Variants in ZZEF1 observed in about 807,000 individuals in gnomAD.
ZZEF1 encodes zinc finger ZZ-type and EF-hand domain containing 1, also known as zinc finger ZZ-type and EF-hand domain-containing protein 1.
Under a neutral mutation model 342.8 loss-of-function variants are expected in ZZEF1, and 157 were observed. That is an observed-to-expected ratio of 0.46 (90% CI 0.40 to 0.52). The LOEUF (loss-of-function observed/expected upper bound fraction) is 0.52, where lower values mean the gene tolerates loss of function less well. ZZEF1 is among the 20% of genes least tolerant of loss of function. The probability of loss-of-function intolerance (pLI) is 0.00; values close to 1 mark genes in which losing one functional copy is unlikely to be tolerated. For missense variants in ZZEF1, 3,480 were observed against 3,725.6 expected, an observed-to-expected ratio of 0.93 and a Z score of 1.72; for synonymous variants, 1,505 against 1,429.1, an observed-to-expected ratio of 1.05 and a Z score of -1.20.
intron 9 of ZZEF1, among the ~76,000 whole-genome samples, chr17:4,097,964 G>A (rs901671912): frequency 2.0e-5 from 3 of 149,558 alleles, no homozygotes; most frequent in African/African-American, 4.9e-5. Flanking sequence ...CAAGGTGGGT[G>A]TGGTGGCTCA....
rs769082115 is a variant in ZZEF1, at chr17:4,008,958, C to CAG, written c.8734-6_8734-5dup. 9.7e-6 allele frequency: 15 copies of CAG among 1,540,142 alleles called. No homozygotes were observed. The highest frequency in any genetic ancestry group is 2.4e-5 in the South Asian group (2 of 84,072). ...AATCCTGCAGCACGCCAAGCTCCTG[C>CAG]AGAGAGAGAGCAGGGGCTGTGAGTG... is the stretch of plus-strand genomic sequence containing the variant. On this transcript the variant is annotated splice_polypyrimidine_tract_variant and splice_region_variant and intron_variant, in intron 53 of 54. Coordinates refer to ENST00000381638, the MANE Select transcript of ZZEF1 (RefSeq NM_015113.4). The surrounding 1 kb of genome is among the most constrained non-coding windows in gnomAD (Gnocchi z 4.2).
intron 30 of ZZEF1, among the ~76,000 whole-genome samples, chr17:4,061,895 C>T (rs1044646748): frequency 2.6e-5 from 4 of 152,220 alleles, no homozygotes; most frequent in African/African-American, 9.6e-5. Flanking sequence ...CTTATTTCCA[C>T]CTCTTTTCAC....
chr17:4,128,345 TAAAAAAAAAA>T (rs74340131), intron 1 of ZZEF1, among the ~76,000 whole-genome samples: 1 of 81,564 alleles, frequency 1.2e-5, no homozygotes, highest in African/African-American at 5.0e-5. Flanking sequence ...CAGACTGTCT[TAAAAAAAAAA>T]AAAAAAAAAA....
At chr17:4,137,546 A>C (rs958201572) in intron 1 of ZZEF1, among the ~76,000 whole-genome samples, 1 of 152,170 alleles carries the variant, frequency 6.6e-6, no homozygotes, top group African/African-American at 2.4e-5. Context: ...TGGGAGGCGG[A>C]GCTTGCAGTG....
At chr17:4,123,267 CCA>C (rs1491420989) in intron 2 of ZZEF1, among the ~76,000 whole-genome samples, 1 of 41,522 alleles carries the variant, frequency 2.4e-5, no homozygotes, top group Non-Finnish European at 4.7e-5. Flanking sequence ...TTTATCATAA[CCA>C]TATATATATA....
chr17:4,078,223 T>C (rs184798599), intron 18 of ZZEF1, among the ~76,000 whole-genome samples, 181 bp from the exon 19 acceptor site: 1 of 152,300 alleles, frequency 6.6e-6, no homozygotes, highest in Non-Finnish European at 1.5e-5. Flanking sequence ...AACTCCCCTT[T>C]CCCTCCAGCT....
chr17:4,087,577 C>A (rs1192017356), intron 13 of ZZEF1, 43 bp from the exon 14 acceptor site: 1 of 1,532,490 alleles, frequency 6.5e-7, no homozygotes, highest in Admixed American at 2.0e-5. Context: ...CTGAAAAATG[C>A]ATTTAGAGAA....
At position 4,032,816 on chromosome 17, in the gene ZZEF1, A is replaced by G. The variant is rs148910943; in HGVS notation, c.6759+12T>C. 6.9e-3 allele frequency: 11,077 copies of G among 1,613,104 alleles called. 53 individuals carry two copies. Among genetic ancestry groups the G allele is most frequent in the Admixed American group, 9.5e-3 (568 of 60,016 alleles). ...GGGGTGACCAGGCCCTCAGGCCTTC[A>G]GAGTGTGGTACCTGGGGGAAGCCAA... On this transcript the variant is annotated intron_variant, in intron 41 of 54. Coordinates refer to ENST00000381638, the MANE Select transcript of ZZEF1 (RefSeq NM_015113.4).
At chr17:4,062,300 GTCTC>G (rs1567805511) in intron 30 of ZZEF1, among the ~76,000 whole-genome samples, 1 of 151,278 alleles carries the variant, frequency 6.6e-6, no homozygotes, top group East Asian at 1.9e-4. Flanking sequence ...GTTTTTTACT[GTCTC>G]TCTCTCCTCA....
At chr17:4,116,914 C>T in intron 3 of ZZEF1, 58 bp downstream of exon 3, 2 of 1,477,472 alleles carry the variant, frequency 1.4e-6, no homozygotes, top group Non-Finnish European at 1.8e-6. Context: ...ATTTTACCAA[C>T]ACAACAGTTA....
At chr17:4,086,373 GCGGCAATCCCTTTCTGGCTCGCAT>G in intron 15 of ZZEF1, 89 bp downstream of exon 15, 1 of 465,498 alleles carries the variant, frequency 2.1e-6, no homozygotes, top group Non-Finnish European at 2.6e-6. Context: ...GATTCCCACA[GCGGCAATCCCTTTCTGGCTCGCAT>G]CATCGTAGGA....
chr17:4,077,042 C>T, intron 19 of ZZEF1, 53 bp from the exon 20 acceptor site: 4 of 1,497,478 alleles, frequency 2.7e-6, no homozygotes, highest in Non-Finnish European at 3.6e-6. Flanking sequence ...ATGTCACATG[C>T]TTGGTTATCA....
Position 4,142,978 on chromosome 17 carries a change from G to A in ZZEF1, c.-83C>T, listed in dbSNP as rs1033024158. ...ACCTGTCAACCTCCGACAGCAGCTG[G>A]CGGGCGGGGACGCGGAGGAGACGAC... On this transcript the variant is annotated 5_prime_UTR_variant, in exon 1 of 55. Coordinates refer to ENST00000381638, the MANE Select transcript of ZZEF1 (RefSeq NM_015113.4). The A allele has an allele frequency of 6.2e-5, 78 of 1,262,190 alleles. No individual in the cohort carries two copies. In the Middle Eastern group the frequency reaches 8.9e-4, roughly 14 times the overall value. 78.2% of individuals were successfully genotyped at this position (1,262,190 alleles called of 1,614,324 possible).
chr17:4,014,560 A>G lies in ZZEF1; in HGVS notation c.8146-45T>C, dbSNP rs1456426284. The G allele has an allele frequency of 1.3e-6, 2 of 1,598,356 alleles. No homozygotes were observed. Among genetic ancestry groups the G allele is most frequent in the Admixed American group, 1.7e-5 (1 of 59,902 alleles). On this transcript the variant is annotated intron_variant, in intron 49 of 54. Coordinates refer to ENST00000381638, the MANE Select transcript of ZZEF1 (RefSeq NM_015113.4). This position sits in a 1 kb window ranked among gnomAD's most constrained non-coding sequence, Gnocchi z 4.4. The stretch of plus-strand genomic sequence containing the variant: ...AACACATCTGTCGATGCTGCTCACT[A>G]GACACTGACTGCAGCTGTCCCATGC...
At position 4,064,993 on chromosome 17, in the gene ZZEF1, G is replaced by A. The variant is rs778825832; in HGVS notation, c.4250-164C>T. On this transcript the variant is annotated intron_variant, in intron 28 of 54. Coordinates refer to ENST00000381638, the MANE Select transcript of ZZEF1 (RefSeq NM_015113.4). ...GTATACATATGTAACAAACCGGCAC[G>A]TTGTGCACATGTACCCTAGAATTTA... 5.3e-5 allele frequency among the ~76,000 whole-genome samples: 8 copies of A among 151,916 alleles called. 1 individual carries two copies. Among genetic ancestry groups the A allele is most frequent in the South Asian group, 4.1e-4 (2 of 4,826 alleles).
intron 53 of ZZEF1, chr17:4,009,290 G>GA (rs1390680050): frequency 1.6e-5 from 9 of 562,570 alleles, no homozygotes; most frequent in Non-Finnish European, 2.9e-5. Flanking sequence ...CTGAGGGGAG[G>GA]AAAAAAAGAG....
In ZZEF1 at chr17:4,017,328, G is replaced by T; in HGVS notation, c.8001+43C>A. On this transcript the variant is annotated intron_variant, in intron 48 of 54. Transcript: ENST00000381638. This position sits in a 1 kb window ranked among gnomAD's most constrained non-coding sequence, Gnocchi z 5.1. ...ACTGGAGGAAGCCTGTGGGGCAGAG[G>T]AAGAACCTGGTGGGTGAGCACAAGC... The T allele has an allele frequency of 6.5e-7, 1 of 1,545,472 alleles. No individual in the cohort carries two copies.
intron 39 of ZZEF1, among the ~76,000 whole-genome samples, chr17:4,035,380 C>T (rs1054372743): frequency 3.3e-5 from 5 of 152,290 alleles, no homozygotes; most frequent in Non-Finnish European, 7.4e-5. Flanking sequence ...GTCTTTCTGA[C>T]ATGGCAGCCT....
At chr17:4,041,220 A>G (rs1237576718) in intron 39 of ZZEF1, among the ~76,000 whole-genome samples, 1 of 152,170 alleles carries the variant, frequency 6.6e-6, no homozygotes, top group Non-Finnish European at 1.5e-5. Flanking sequence ...TCCTCATTCT[A>G]GTTCCACGTG....
Sources: allele counts gnomAD v4.1 joint callset (sites outside exome capture counted in the v4.1 genomes callset), GRCh38; gene constraint gnomAD v4.1.1; non-coding constraint Gnocchi (gnomAD v3.1); transcripts MANE v1.5; gene names NCBI Gene and HGNC (gene_info 2026-07-23, HGNC 2026-07-21).